The following RNF13 variants were observed in gnomAD, a reference collection of about 807,000 sequenced individuals.
The protein encoded by RNF13 is E3 ubiquitin-protein ligase RNF13.
RNF13 carries 19 observed loss-of-function variants against 37.7 expected under a neutral mutation model. The observed-to-expected ratio is 0.50, with a 90% CI of 0.35 to 0.74. The LOEUF is 0.74. Ranked by LOEUF, RNF13 falls within the 30% of genes least tolerant of loss-of-function variation. RNF13 has a pLI of 0.01. For synonymous variants in RNF13, 144 were observed against 157.8 expected, an observed-to-expected ratio of 0.91 and a Z score of 0.65; for missense variants, 375 against 453.0, an observed-to-expected ratio of 0.83 and a Z score of 1.56.
intron 1 of RNF13, among the ~76,000 whole-genome samples, chr3:149,819,558 A>T (rs987465301): frequency 1.1e-4 from 17 of 152,234 alleles, no homozygotes; most frequent in Non-Finnish European, 2.5e-4. Flanking sequence ...TTAAGGAATA[A>T]TGGGAGTGAC....
chr3:149,955,317 G>C (rs1048689845), intron 8 of RNF13, among the ~76,000 whole-genome samples: 1 of 151,412 alleles, frequency 6.6e-6, no homozygotes. Flanking sequence ...AGCTATTAAA[G>C]ACTTCTTTTT....
chr3:149,821,250 A>G (rs928094694), intron 1 of RNF13, among the ~76,000 whole-genome samples: 1 of 152,176 alleles, frequency 6.6e-6, no homozygotes, highest in Non-Finnish European at 1.5e-5. Flanking sequence ...ACTGCTTTCC[A>G]CAGTAGCTAA....
intron 5 of RNF13, among the ~76,000 whole-genome samples, chr3:149,897,806 T>C (rs961891727): frequency 3.9e-5 from 6 of 152,158 alleles, no homozygotes; most frequent in Non-Finnish European, 8.8e-5. Context: ...TGGTATCTTA[T>C]ACCAAGCAGA....
chr3:149,819,929 T>A (rs148831395), intron 1 of RNF13, among the ~76,000 whole-genome samples: 18 of 152,334 alleles, frequency 1.2e-4, no homozygotes, highest in Middle Eastern at 3.4e-3. Context: ...TCTTTTTAAC[T>A]TTGAAATAAA....
chr3:149,868,377 TC>T (rs1438979256), intron 3 of RNF13, among the ~76,000 whole-genome samples: 1 of 151,818 alleles, frequency 6.6e-6, no homozygotes, highest in East Asian at 1.9e-4. Context: ...TCTTAGCATT[TC>T]TTGTAAGACA....
chr3:149,830,870 C>G (rs1188645804), intron 1 of RNF13, among the ~76,000 whole-genome samples: 2 of 152,190 alleles, frequency 1.3e-5, no homozygotes, highest in African/African-American at 4.8e-5. Flanking sequence ...CAGGGCCTTG[C>G]TGCTTTGTGA....
intron 3 of RNF13, among the ~76,000 whole-genome samples, chr3:149,853,559 G>A (rs1316762418): frequency 1.3e-5 from 2 of 150,920 alleles, no homozygotes; most frequent in African/African-American, 2.4e-5. Flanking sequence ...TGCTTTGTAA[G>A]AGTTCTTTAT....
intron 8 of RNF13, among the ~76,000 whole-genome samples, chr3:149,922,538 A>G (rs1718249647): frequency 6.6e-6 from 1 of 152,216 alleles, no homozygotes; most frequent in Admixed American, 6.5e-5. Context: ...ATGTCAGTAG[A>G]TAAAATATTT....
chr3:149,889,080 A>G (rs1714367324), intron 4 of RNF13, among the ~76,000 whole-genome samples: 1 of 151,514 alleles, frequency 6.6e-6, no homozygotes, highest in Non-Finnish European at 1.5e-5. Flanking sequence ...CTGGGACTAC[A>G]GGTGTGTGCC....
At chr3:149,893,961 T>C (rs1714981833) in intron 4 of RNF13, 1 of 152,326 alleles carries the variant, frequency 6.6e-6, no homozygotes, top group African/African-American at 2.4e-5. Context: ...AAAATCACTT[T>C]CTGCCTGATT....
chr3:149,832,206 T>A (rs1449075391), intron 1 of RNF13, among the ~76,000 whole-genome samples: 2 of 152,114 alleles, frequency 1.3e-5, no homozygotes, highest in East Asian at 3.9e-4. Flanking sequence ...GTCCAGTTCT[T>A]GAGATGCCAG....
intron 4 of RNF13, among the ~76,000 whole-genome samples, chr3:149,876,217 A>G (rs1047644859): frequency 2.1e-4 from 32 of 152,216 alleles, no homozygotes; most frequent in African/African-American, 7.5e-4. Flanking sequence ...AGGCTGGTAA[A>G]CAGAAATGGT....
At chr3:149,863,993 C>A (rs1412387537) in intron 3 of RNF13, among the ~76,000 whole-genome samples, 2 of 123,488 alleles carry the variant, frequency 1.6e-5, no homozygotes, top group Admixed American at 1.7e-4. Flanking sequence ...GCTGGAATGG[C>A]AATGTTTGAT....
chr3:149,841,286 G>A (rs1031543624), intron 1 of RNF13, among the ~76,000 whole-genome samples: 11 of 152,158 alleles, frequency 7.2e-5, no homozygotes, highest in African/African-American at 2.4e-4. Flanking sequence ...GAAAAGGGCA[G>A]ATTTAAGTGA....
intron 1 of RNF13, among the ~76,000 whole-genome samples, chr3:149,841,360 A>T (rs928288811): frequency 3.9e-5 from 6 of 152,234 alleles, no homozygotes; most frequent in Admixed American, 6.5e-5. Context: ...AGAACATGTT[A>T]ATAAGTGTGG....
At position 149,912,049 on chromosome 3, in the gene RNF13, T is replaced by G; in HGVS notation, c.572T>G (p.Val191Gly). Residue 191 changes from valine (V) to glycine (G), a missense_variant, in exon 7 of 10, where the codon GTG becomes GGG. By Grantham distance (109) the Val-to-Gly change is moderately radical (BLOSUM62 -3). Transcript: ENST00000392894. ...TACCTAATTCCCTTCCTTATCATAG[T>G]GGGCATCTGTCTCATCTTGATAGTC... Reference protein sequence around the residue: ...EYYLIPFLIIVGICLILIVIF... With the variant: ...EYYLIPFLIIGGICLILIVIF... 1 of 1,586,208 alleles carries G rather than the reference T, an allele frequency of 6.3e-7. No homozygotes were observed. Among genetic ancestry groups the G allele is most frequent in the Non-Finnish European group, 8.7e-7 (1 of 1,155,568 alleles).
At chr3:149,905,027 G>A (rs939339182) in intron 6 of RNF13, among the ~76,000 whole-genome samples, 4 of 152,082 alleles carry the variant, frequency 2.6e-5, no homozygotes, top group Admixed American at 6.6e-5. Context: ...AATCGGTTAC[G>A]TTATTTTGTA....
upstream of RNF13, chr3:149,812,772 C>A (rs1719031226): frequency 6.5e-6 from 1 of 152,750 alleles, no homozygotes. Flanking sequence ...GGGCCAGGCC[C>A]GCCCGGGGGC....
At chr3:149,954,199 GAA>G (rs957358399) in intron 8 of RNF13, among the ~76,000 whole-genome samples, 3 of 143,934 alleles carry the variant, frequency 2.1e-5, no homozygotes, top group African/African-American at 7.6e-5. Context: ...ACAGATGTTA[GAA>G]AAAAAAAAAC....
Sources: gnomAD v4.1 joint callset for allele counts (sites outside exome capture counted in the v4.1 genomes callset) on GRCh38, gnomAD v4.1.1 for gene constraint, MANE v1.5 for transcripts, NCBI Gene and HGNC (gene_info 2026-07-23, HGNC 2026-07-21) for gene names.